The following CNTN5 variants were observed in gnomAD, a reference collection of about 807,000 sequenced individuals.
CNTN5 encodes contactin-5.
A neutral mutation model predicts 129.1 loss-of-function variants in CNTN5; 77 were observed. The ratio of observed to expected loss-of-function variants is 0.60; its 90% CI spans 0.50 to 0.72. The LOEUF (loss-of-function observed/expected upper bound fraction) is 0.72, where lower values mean the gene tolerates loss of function less well. Ranked by LOEUF, CNTN5 falls within the 30% of genes least tolerant of loss-of-function variation. CNTN5 has a pLI of 0.00. For missense variants in CNTN5, 1,478 were observed against 1,328.8 expected, an observed-to-expected ratio of 1.11 and a Z score of -1.75; for synonymous variants, 509 against 465.6, an observed-to-expected ratio of 1.09 and a Z score of -1.20.
chr11:99,695,613 C>CA (rs1402768046), intron 3 of CNTN5, among the ~76,000 whole-genome samples: 3 of 151,940 alleles, frequency 2.0e-5, no homozygotes, highest in Non-Finnish European at 4.4e-5. Context: ...AAGGGCCAGG[C>CA]ACGGTGGCTG....
At chr11:99,101,303 A>C (rs1482157080) in intron 1 of CNTN5, among the ~76,000 whole-genome samples, 2 of 152,178 alleles carry the variant, frequency 1.3e-5, no homozygotes, top group African/African-American at 2.4e-5. Context: ...AACACATGAT[A>C]AACCATATCA....
At chr11:99,106,436 G>A (rs1866998180) in intron 1 of CNTN5, among the ~76,000 whole-genome samples, 1 of 151,060 alleles carries the variant, frequency 6.6e-6, no homozygotes, top group South Asian at 2.1e-4. Context: ...TTTTGTTACA[G>A]ACTACATTAA....
At chr11:99,584,340 C>T (rs1949720186) in intron 3 of CNTN5, among the ~76,000 whole-genome samples, 1 of 152,162 alleles carries the variant, frequency 6.6e-6, no homozygotes, top group African/African-American at 2.4e-5. Context: ...GCCCTGATTA[C>T]TGTTATATCC....
At chr11:99,447,100 C>T (rs1341888367) in intron 2 of CNTN5, among the ~76,000 whole-genome samples, 3 of 152,188 alleles carry the variant, frequency 2.0e-5, no homozygotes, top group African/African-American at 7.2e-5. Flanking sequence ...TAGACATCAG[C>T]ATTATCACTT....
rs931353856 is a variant in CNTN5 at position 100,242,882 on chromosome 11, G to A, written c.2006-12878G>A. ...GGAGGAAACATGGAAAGAACATGGA[G>A]CAGTCATTGAATAAACAATAATCAT... On this transcript the variant is annotated intron_variant, in intron 16 of 24. Coordinates refer to ENST00000524871, the MANE Select transcript of CNTN5 (RefSeq NM_014361.4). Among the ~76,000 whole-genome samples, 11 of 152,222 alleles carry A rather than the reference G, an allele frequency of 7.2e-5. No individual in the cohort carries two copies. The East Asian group carries it at 1.2e-3, about 16-fold the overall frequency.
intron 2 of CNTN5, among the ~76,000 whole-genome samples, chr11:99,334,239 G>A (rs1444965468): frequency 2.6e-5 from 4 of 152,066 alleles, no homozygotes; most frequent in Non-Finnish European, 1.5e-5. Flanking sequence ...AATAGAATGT[G>A]AGAAGATAGA....
At chr11:100,038,654 G>A (rs1425358557) in intron 9 of CNTN5, among the ~76,000 whole-genome samples, 2 of 152,006 alleles carry the variant, frequency 1.3e-5, no homozygotes, top group African/African-American at 2.4e-5. Flanking sequence ...GGGTGCTCCT[G>A]TATTGGGTGC....
At chr11:99,312,670 C>G (rs370562930) in intron 1 of CNTN5, among the ~76,000 whole-genome samples, 1 of 152,002 alleles carries the variant, frequency 6.6e-6, no homozygotes, top group East Asian at 1.9e-4. Flanking sequence ...TGCTGTAAGA[C>G]AATTCAGATA....
At chr11:99,667,545 G>A (rs774352090) in intron 3 of CNTN5, among the ~76,000 whole-genome samples, 2 of 152,032 alleles carry the variant, frequency 1.3e-5, no homozygotes, top group East Asian at 1.9e-4. Flanking sequence ...CCCATAGTGA[G>A]TACTCAATAA....
At chr11:99,361,652 T>C (rs1036730196) in intron 2 of CNTN5, among the ~76,000 whole-genome samples, 4 of 152,110 alleles carry the variant, frequency 2.6e-5, no homozygotes, top group East Asian at 3.9e-4. Context: ...AATTTCTTTT[T>C]CCCCCAACAT....
At position 99,599,031 on chromosome 11, in the gene CNTN5, A is replaced by G. The variant is rs1259062993; in HGVS notation, c.55+42762A>G. ...AGAGCTAACATTTAAGAAAATCAAA[A>G]TTATGAGTCATAGTTTCACTTTTTA... On this transcript the variant is annotated intron_variant, in intron 3 of 24. Coordinates refer to ENST00000524871, the MANE Select transcript of CNTN5 (RefSeq NM_014361.4). Among the ~76,000 whole-genome samples the G allele has an allele frequency of 3.3e-5, 5 of 152,296 alleles. No individual in the cohort carries two copies. In the East Asian group the frequency reaches 9.6e-4, roughly 29 times the overall value.
At chr11:99,781,863 C>T (rs1945323070) in intron 3 of CNTN5, among the ~76,000 whole-genome samples, 1 of 152,072 alleles carries the variant, frequency 6.6e-6, no homozygotes, top group South Asian at 2.1e-4. Flanking sequence ...AACGCACAGC[C>T]AATATCATAC....
chr11:99,873,189 C>T (rs1303509262), intron 6 of CNTN5, among the ~76,000 whole-genome samples: 1 of 151,950 alleles, frequency 6.6e-6, no homozygotes, highest in Non-Finnish European at 1.5e-5. Context: ...AACCATGTTC[C>T]TGAATTTAAA....
intron 13 of CNTN5, among the ~76,000 whole-genome samples, chr11:100,117,404 T>C (rs1945876276): frequency 6.6e-6 from 1 of 152,026 alleles, no homozygotes; most frequent in African/African-American, 2.4e-5. Flanking sequence ...CTTATTTATG[T>C]TATGGAACTC....
At chr11:99,729,977 G>A (rs1484254207) in intron 3 of CNTN5, among the ~76,000 whole-genome samples, 2 of 152,068 alleles carry the variant, frequency 1.3e-5, no homozygotes, top group Non-Finnish European at 2.9e-5. Context: ...GTGATGGGTT[G>A]AGAGGTTAAC....
intron 3 of CNTN5, among the ~76,000 whole-genome samples, chr11:99,639,338 G>A (rs1485676380): frequency 1.3e-5 from 2 of 152,170 alleles, no homozygotes; most frequent in African/African-American, 4.8e-5. Flanking sequence ...AGGAATGGCC[G>A]TGAAGCTCTC....
intron 1 of CNTN5, among the ~76,000 whole-genome samples, chr11:99,320,611 G>A (rs1010912524): frequency 1.3e-5 from 2 of 152,240 alleles, no homozygotes; most frequent in East Asian, 3.9e-4. Flanking sequence ...GTGAAATATT[G>A]AGAATGAAAG....
At chr11:99,326,722 A>G (rs1865801496) in intron 2 of CNTN5, among the ~76,000 whole-genome samples, 1 of 152,156 alleles carries the variant, frequency 6.6e-6, no homozygotes. Flanking sequence ...TGTGAAGAAA[A>G]GCAACCACAT....
chr11:100,356,480 G>T lies in CNTN5; in HGVS notation c.*260G>T. 2.2e-6 allele frequency: 1 copy of T among 457,624 alleles called. No individual in the cohort carries two copies. The highest frequency in any genetic ancestry group is 3.9e-6 in the Non-Finnish European group (1 of 257,964). The allele number at this position is 457,624 out of a possible 1,614,324, so 28.3% of individuals were successfully genotyped here. On this transcript the variant is annotated 3_prime_UTR_variant, in exon 25 of 25. Coordinates refer to ENST00000524871, the MANE Select transcript of CNTN5 (RefSeq NM_014361.4). The stretch of plus-strand genomic sequence containing the variant: ...ATGTAATGAATTTTTGTAAACAAAG[G>T]TAATTTCTGTCAAATGTATTCTTTA...
Sources: gnomAD v4.1 joint callset for allele counts (sites outside exome capture counted in the v4.1 genomes callset) on GRCh38, gnomAD v4.1.1 for gene constraint, MANE v1.5 for transcripts, NCBI Gene and HGNC (gene_info 2026-07-23, HGNC 2026-07-21) for gene names.